Variants in GALNTL6 observed in about 807,000 individuals in gnomAD.
GALNTL6 encodes the protein polypeptide N-acetylgalactosaminyltransferase like 6.
A neutral mutation model predicts 73.7 loss-of-function variants in GALNTL6; 46 were observed. The ratio of observed to expected loss-of-function variants is 0.62; its 90% CI spans 0.49 to 0.80. The LOEUF is 0.80. GALNTL6 is among the 30% of genes least tolerant of loss of function. The pLI, the probability that GALNTL6 is intolerant of heterozygous loss-of-function variation, is 0.00. For missense variants in GALNTL6, 604 were observed against 755.0 expected (o/e 0.80, Z 2.34); for synonymous variants, 259 against 263.7 (o/e 0.98, Z 0.17).
At chr4:172,666,705 C>G (rs1328899005) in intron 5 of GALNTL6, 2 of 152,156 alleles carry the variant, frequency 1.3e-5, no homozygotes, top group Non-Finnish European at 2.9e-5. Flanking sequence ...TACTATGGCA[C>G]ACATATTCCC....
At chr4:172,354,288 T>TA (rs982530978) in intron 5 of GALNTL6, among the ~76,000 whole-genome samples, 9 of 152,078 alleles carry the variant, frequency 5.9e-5, no homozygotes, top group African/African-American at 2.2e-4. Context: ...TAATTGCGTT[T>TA]AAAAAAATCA....
intron 2 of GALNTL6, among the ~76,000 whole-genome samples, chr4:172,098,133 A>T (rs1051585178): frequency 6.6e-6 from 1 of 152,278 alleles, no homozygotes; most frequent in Non-Finnish European, 1.5e-5. Flanking sequence ...TGTATTAAAA[A>T]TGTTTAGGGA....
intron 5 of GALNTL6, among the ~76,000 whole-genome samples, chr4:172,695,864 A>G (rs1733656789): frequency 1.3e-5 from 2 of 152,022 alleles, no homozygotes; most frequent in African/African-American, 2.4e-5. Flanking sequence ...GAGGCAGGAG[A>G]ATGGCATGAA....
chr4:171,943,007 A>C (rs2111016951), intron 2 of GALNTL6, among the ~76,000 whole-genome samples: 1 of 152,302 alleles, frequency 6.6e-6, no homozygotes, highest in Non-Finnish European at 1.5e-5. Context: ...TCTACACAAA[A>C]ATATTAGTAT....
At chr4:172,468,789 G>T (rs1732933659) in intron 5 of GALNTL6, among the ~76,000 whole-genome samples, 1 of 152,158 alleles carries the variant, frequency 6.6e-6, no homozygotes. Context: ...AATGGGCCTT[G>T]AATGGTCTTG....
At position 172,234,767 on chromosome 4, in the gene GALNTL6, C is replaced by G. The variant is rs959358629; in HGVS notation, c.247+5003C>G. 8.5e-5 allele frequency among the ~76,000 whole-genome samples: 13 copies of G among 152,080 alleles called. No homozygotes were observed. In the South Asian group the frequency reaches 1.2e-3, roughly 15 times the overall value. On this transcript the variant is annotated intron_variant, in intron 3 of 12. Coordinates refer to ENST00000506823, the MANE Select transcript of GALNTL6 (RefSeq NM_001034845.3). ...TTGGCCCCAAATTTTCTATTCTTAT[C>G]AAGTCTTTGTCAAGTTTTGGTAACA...
chr4:172,610,273 C>T (rs1738477861), intron 5 of GALNTL6, among the ~76,000 whole-genome samples: 1 of 151,882 alleles, frequency 6.6e-6, no homozygotes, highest in African/African-American at 2.4e-5. Context: ...CCTCTAGGAA[C>T]ACCTAGAGTG....
At chr4:172,434,861 A>G (rs886922017) in intron 5 of GALNTL6, among the ~76,000 whole-genome samples, 29 of 152,134 alleles carry the variant, frequency 1.9e-4, no homozygotes, top group African/African-American at 7.0e-4. Context: ...CTGTGGCATC[A>G]TATTCCATAG....
intron 10 of GALNTL6, among the ~76,000 whole-genome samples, chr4:172,975,430 T>C (rs1750762294): frequency 6.6e-6 from 1 of 152,192 alleles, no homozygotes; most frequent in Non-Finnish European, 1.5e-5. Context: ...GGGGTTTTTA[T>C]GGACGTCAGA....
intron 5 of GALNTL6, among the ~76,000 whole-genome samples, chr4:172,521,861 A>G (rs1734784209): frequency 6.6e-6 from 1 of 152,228 alleles, no homozygotes; most frequent in African/African-American, 2.4e-5. Flanking sequence ...GTAATAGGAG[A>G]TAAAAGGTTC....
At position 172,462,672 on chromosome 4, in the gene GALNTL6, T is replaced by C. The variant is rs1433589828; in HGVS notation, c.553+113983T>C. 2.6e-5 allele frequency among the ~76,000 whole-genome samples: 4 copies of C among 152,278 alleles called. No individual in the cohort carries two copies. In the East Asian group the frequency reaches 7.7e-4, roughly 29 times the overall value. ...CCTGGATTGCAAGTTTCAAGAGTAC[T>C]GGATTATATATTTTTCACTAATATA... On this transcript the variant is annotated intron_variant, in intron 5 of 12. Transcript: ENST00000506823.
In GALNTL6 at chr4:172,968,868, A is replaced by T. The variant is rs571836914; in HGVS notation, c.1371+16610A>T. 3.8e-3 allele frequency among the ~76,000 whole-genome samples: 573 copies of T among 152,358 alleles called. 2 individuals carry two copies. Among genetic ancestry groups the T allele is most frequent in the South Asian group, 7.0e-3 (34 of 4,832 alleles). ...ATAGTCCAAGAAAATTATCTCATTTATATATGAGATTGTTCATATATGGAA... is the reference window on the plus strand; with the variant it reads ...ATAGTCCAAGAAAATTATCTCATTTTTATATGAGATTGTTCATATATGGAA... On this transcript the variant is annotated intron_variant, in intron 10 of 12. Transcript: ENST00000506823.
chr4:171,849,142 A>T (rs988852308), intron 2 of GALNTL6, among the ~76,000 whole-genome samples: 1 of 152,176 alleles, frequency 6.6e-6, no homozygotes, highest in Non-Finnish European at 1.5e-5. Flanking sequence ...TATTAAGCTT[A>T]ATCATTTTTA....
chr4:172,421,964 CA>C (rs1579056913), intron 5 of GALNTL6, among the ~76,000 whole-genome samples: 1 of 151,984 alleles, frequency 6.6e-6, no homozygotes, highest in East Asian at 1.9e-4. Context: ...TTAATCTAAT[CA>C]AAAAATTAGA....
chr4:172,410,776 C>A (rs1261342263), intron 5 of GALNTL6, among the ~76,000 whole-genome samples: 2 of 151,964 alleles, frequency 1.3e-5, no homozygotes, highest in African/African-American at 4.8e-5. Flanking sequence ...TTGTACTGGG[C>A]TTTTTTATTG....
Position 172,878,776 on chromosome 4 carries a change from A to G in GALNTL6, c.924-4014A>G, listed in dbSNP as rs185176992. On this transcript the variant is annotated intron_variant, in intron 7 of 12. Coordinates refer to ENST00000506823, the MANE Select transcript of GALNTL6 (RefSeq NM_001034845.3). Reference sequence around the variant, plus strand: ...AGGAAGATGATAGATTTCAACCTAAACACATGAATAATCATATTGAAAGTA... The same window carrying G: ...AGGAAGATGATAGATTTCAACCTAAGCACATGAATAATCATATTGAAAGTA... 2.0e-5 allele frequency among the ~76,000 whole-genome samples: 3 copies of G among 151,940 alleles called. No homozygotes were observed. The East Asian group carries it at 5.8e-4, about 29-fold the overall frequency.
intron 4 of GALNTL6, among the ~76,000 whole-genome samples, chr4:172,338,228 C>T (rs1313557891): frequency 3.3e-5 from 5 of 151,916 alleles, no homozygotes; most frequent in African/African-American, 9.7e-5. Flanking sequence ...ATTCATCTTC[C>T]TTGCAATCCA....
intron 2 of GALNTL6, among the ~76,000 whole-genome samples, chr4:172,137,007 C>T (rs539554082): frequency 1.3e-5 from 2 of 152,006 alleles, no homozygotes; most frequent in East Asian, 1.9e-4. Context: ...CTCCCATATA[C>T]CCCTTTTTAA....
chr4:172,576,098 A>C (rs1736945981), intron 5 of GALNTL6, among the ~76,000 whole-genome samples: 1 of 152,116 alleles, frequency 6.6e-6, no homozygotes, highest in African/African-American at 2.4e-5. Context: ...TTTTATTTAA[A>C]GCTGCCTCTA....
Sources: allele counts gnomAD v4.1 joint callset (sites outside exome capture counted in the v4.1 genomes callset), GRCh38; gene constraint gnomAD v4.1.1; transcripts MANE v1.5; gene names NCBI Gene and HGNC (gene_info 2026-07-23, HGNC 2026-07-21).